Variants in STXBP5L observed in about 807,000 individuals in gnomAD.
STXBP5L encodes syntaxin binding protein 5L, also known as syntaxin-binding protein 5-like.
Under a neutral mutation model 144.5 loss-of-function variants are expected in STXBP5L, and 65 were observed. The ratio of observed to expected loss-of-function variants is 0.45; its 90% CI spans 0.37 to 0.55. The LOEUF is 0.55. STXBP5L is among the 20% of genes least tolerant of loss of function. The probability of loss-of-function intolerance (pLI) is 0.00; values close to 1 mark genes in which losing one functional copy is unlikely to be tolerated. For synonymous variants in STXBP5L, 505 were observed against 469.6 expected, an observed-to-expected ratio of 1.08 and a Z score of -0.97; for missense variants, 1,298 against 1,405.5, an observed-to-expected ratio of 0.92 and a Z score of 1.22.
intron 5 of STXBP5L, among the ~76,000 whole-genome samples, chr3:121,056,805 A>G (rs1213508142): frequency 6.6e-6 from 1 of 151,950 alleles, no homozygotes; most frequent in Non-Finnish European, 1.5e-5. Flanking sequence ...ATAATATGTA[A>G]CATAATTTTC....
chr3:120,922,024 T>A (rs1015058529), intron 2 of STXBP5L, among the ~76,000 whole-genome samples: 4 of 151,944 alleles, frequency 2.6e-5, no homozygotes, highest in Non-Finnish European at 5.9e-5. Context: ...TTGATAGAGA[T>A]TGCATTGAAT....
intron 2 of STXBP5L, among the ~76,000 whole-genome samples, chr3:120,952,781 A>G (rs1169022627): frequency 6.6e-6 from 1 of 152,056 alleles, no homozygotes; most frequent in Non-Finnish European, 1.5e-5. Flanking sequence ...TGGTCAATGA[A>G]TAAGGGTGTG....
At chr3:121,302,438 T>G (rs1391440317) in intron 19 of STXBP5L, among the ~76,000 whole-genome samples, 1 of 152,214 alleles carries the variant, frequency 6.6e-6, no homozygotes, top group Non-Finnish European at 1.5e-5. Flanking sequence ...TTCTCTTTTC[T>G]TCTTTATTAG....
chr3:121,117,262 T>G (rs1450946545), intron 6 of STXBP5L, among the ~76,000 whole-genome samples: 2 of 151,862 alleles, frequency 1.3e-5, no homozygotes, highest in Admixed American at 6.6e-5. Context: ...CATCTACTAT[T>G]TTATATATAA....
intron 2 of STXBP5L, among the ~76,000 whole-genome samples, chr3:120,920,961 A>G (rs1709332315): frequency 6.6e-6 from 1 of 151,936 alleles, no homozygotes; most frequent in African/African-American, 2.4e-5. Flanking sequence ...CAGTGCCAAT[A>G]TCTCTTTGAT....
intron 10 of STXBP5L, among the ~76,000 whole-genome samples, chr3:121,210,265 A>AT (rs1577218096): frequency 6.6e-6 from 1 of 152,084 alleles, no homozygotes. Flanking sequence ...CCCTTTGCCC[A>AT]TTTTTTGATG....
At chr3:120,966,727 T>C (rs1576512341) in intron 3 of STXBP5L, among the ~76,000 whole-genome samples, 1 of 151,948 alleles carries the variant, frequency 6.6e-6, no homozygotes, top group African/African-American at 2.4e-5. Flanking sequence ...TACTGGGAGG[T>C]GTGTTCCACT....
rs541364464 is a variant in STXBP5L at position 121,013,854 on chromosome 3, T to C, written c.288-27846T>C. Among the ~76,000 whole-genome samples, 9 of 152,230 alleles carry C rather than the reference T, an allele frequency of 5.9e-5. No homozygotes were observed. The South Asian group carries it at 1.9e-3, about 32-fold the overall frequency. On this transcript the variant is annotated intron_variant, in intron 3 of 26. Transcript: ENST00000471454. ...TAGGGGATTAGTTTCATTCTACATATGGTTAGTCAGTTTTCCCAGCATCAT... is the reference window on the plus strand; with the variant it reads ...TAGGGGATTAGTTTCATTCTACATACGGTTAGTCAGTTTTCCCAGCATCAT...
intron 20 of STXBP5L, among the ~76,000 whole-genome samples, chr3:121,374,879 T>C (rs1394667823): frequency 6.6e-6 from 1 of 151,974 alleles, no homozygotes; most frequent in African/African-American, 2.4e-5. Flanking sequence ...TAATCAAATT[T>C]TAGAAGTTGC....
intron 9 of STXBP5L, among the ~76,000 whole-genome samples, chr3:121,159,865 C>T (rs573266805): frequency 6.6e-6 from 1 of 151,968 alleles, no homozygotes; most frequent in Non-Finnish European, 1.5e-5. Context: ...ATCTCCTGAC[C>T]TCGTGATCCG....
chr3:121,331,205 G>T (rs1206101022), intron 20 of STXBP5L, among the ~76,000 whole-genome samples: 2 of 152,194 alleles, frequency 1.3e-5, no homozygotes, highest in Non-Finnish European at 2.9e-5. Flanking sequence ...TCTTTCAGCA[G>T]AGGCACTGGT....
intron 5 of STXBP5L, among the ~76,000 whole-genome samples, chr3:121,067,329 G>A (rs2041596117): frequency 6.6e-6 from 1 of 151,960 alleles, no homozygotes; most frequent in Non-Finnish European, 1.5e-5. Flanking sequence ...CAGATTTTAT[G>A]TCTAATATTT....
intron 5 of STXBP5L, among the ~76,000 whole-genome samples, chr3:121,072,957 G>A (rs1436739756): frequency 1.3e-5 from 2 of 152,180 alleles, no homozygotes; most frequent in Non-Finnish European, 2.9e-5. Flanking sequence ...CTTTGGCTAA[G>A]AGCAATGCTC....
In STXBP5L at chr3:121,121,151, C is replaced by T. The variant is rs2044442213; in HGVS notation, c.606-490C>T. Among the ~76,000 whole-genome samples, 6 of 151,180 alleles carry T rather than the reference C, an allele frequency of 4.0e-5. No homozygotes were observed. The South Asian group carries it at 1.0e-3, about 26-fold the overall frequency. On this transcript the variant is annotated intron_variant, in intron 6 of 26. Coordinates refer to ENST00000471454, the MANE Select transcript of STXBP5L (RefSeq NM_001308330.2). The stretch of plus-strand genomic sequence containing the variant: ...TTGTTTTTCTGTAAAAGCGTTATCA[C>T]TAGAGTAGATTTATTTTTAAATCAA...
In STXBP5L at chr3:121,376,456, G is replaced by A. The variant is rs897277761; in HGVS notation, c.2177-2260G>A. 5.9e-5 allele frequency among the ~76,000 whole-genome samples: 9 copies of A among 152,212 alleles called. No individual in the cohort carries two copies. The East Asian group carries it at 1.7e-3, about 29-fold the overall frequency. ...AGTTTCAGTTTTCTGTATACGGCTA[G>A]CCGGTTTTCCCAGCACCATTGATTA... On this transcript the variant is annotated intron_variant, in intron 20 of 26. Coordinates refer to ENST00000471454, the MANE Select transcript of STXBP5L (RefSeq NM_001308330.2).
intron 19 of STXBP5L, among the ~76,000 whole-genome samples, chr3:121,301,912 G>T (rs1042684994): frequency 6.6e-6 from 1 of 152,194 alleles, no homozygotes; most frequent in Non-Finnish European, 1.5e-5. Flanking sequence ...GACTATGGTG[G>T]ATAAGCGTTT....
intron 5 of STXBP5L, among the ~76,000 whole-genome samples, chr3:121,075,956 C>A (rs571810735): frequency 6.6e-6 from 1 of 152,318 alleles, no homozygotes; most frequent in Non-Finnish European, 1.5e-5. Context: ...TGTTTGCAAT[C>A]AGCCCAGGTA....
chr3:120,974,048 T>C (rs1576534212), intron 3 of STXBP5L, among the ~76,000 whole-genome samples: 1 of 152,156 alleles, frequency 6.6e-6, no homozygotes, highest in Admixed American at 6.6e-5. Flanking sequence ...GTCCTTTGGG[T>C]ATATACCGAG....
intron 3 of STXBP5L, among the ~76,000 whole-genome samples, chr3:121,015,190 A>G (rs1265360033): frequency 6.6e-6 from 1 of 152,152 alleles, no homozygotes; most frequent in African/African-American, 2.4e-5. Context: ...AAAACTCTTT[A>G]ACAAAATAGC....
Sources: allele counts gnomAD v4.1 joint callset (sites outside exome capture counted in the v4.1 genomes callset), GRCh38; gene constraint gnomAD v4.1.1; transcripts MANE v1.5; gene names NCBI Gene and HGNC (gene_info 2026-07-23, HGNC 2026-07-21).